Variants in SORCS1 observed in about 807,000 individuals in gnomAD.
SORCS1 encodes sortilin related VPS10 domain containing receptor 1.
In SORCS1, 60 loss-of-function variants were observed where a neutral mutation model predicts 146.1. The observed-to-expected ratio is 0.41, with a 90% confidence interval of 0.33 to 0.51. The LOEUF (loss-of-function observed/expected upper bound fraction) is 0.51. Among genes scored for constraint, SORCS1 ranks in the 20% least tolerant of loss-of-function variants. SORCS1 has a pLI of 0.21. For missense variants in SORCS1, 1,352 were observed against 1,487.6 expected, an observed-to-expected ratio of 0.91 and a Z score of 1.50; for synonymous variants, 637 against 584.0, an observed-to-expected ratio of 1.09 and a Z score of -1.31.
chr10:106,611,761 G>A (rs984563657), intron 22 of SORCS1, 150 bp downstream of exon 22: 1 of 638,910 alleles, frequency 1.6e-6, no homozygotes. Context: ...GCTCAGCTTT[G>A]CAGACATCAG....
chr10:106,744,785 A>G (rs995554423), intron 5 of SORCS1, among the ~76,000 whole-genome samples: 11 of 152,074 alleles, frequency 7.2e-5, no homozygotes, highest in African/African-American at 2.7e-4. Context: ...GGTAAAACAG[A>G]GTGTGAGTGT....
chr10:106,743,287 G>A (rs1857486632), intron 5 of SORCS1, among the ~76,000 whole-genome samples: 1 of 152,146 alleles, frequency 6.6e-6, no homozygotes, highest in Non-Finnish European at 1.5e-5. Context: ...AGAGAAGCCA[G>A]AGAGAGGAGA....
chr10:106,650,538 T>C (rs1589568175), intron 18 of SORCS1, among the ~76,000 whole-genome samples: 1 of 152,334 alleles, frequency 6.6e-6, no homozygotes, highest in East Asian at 1.9e-4. Flanking sequence ...CCTGTATGTG[T>C]GCTGCTTCCC....
At chr10:107,062,590 C>T (rs574776162) in intron 1 of SORCS1, among the ~76,000 whole-genome samples, 1 of 152,234 alleles carries the variant, frequency 6.6e-6, no homozygotes, top group Non-Finnish European at 1.5e-5. Context: ...CTAGCTGGGA[C>T]ATGAGGTCAG....
chr10:106,797,934 C>T (rs1315551190), intron 3 of SORCS1, among the ~76,000 whole-genome samples: 2 of 152,130 alleles, frequency 1.3e-5, no homozygotes, highest in East Asian at 1.9e-4. Flanking sequence ...CAATCTGACA[C>T]AGAAAGTTTA....
intron 1 of SORCS1, among the ~76,000 whole-genome samples, chr10:107,030,945 A>G (rs1339742463): frequency 2.0e-5 from 3 of 152,158 alleles, no homozygotes; most frequent in Non-Finnish European, 2.9e-5. Context: ...CTCTTCTGCA[A>G]TTCACCCAAG....
chr10:106,638,029 G>A (rs1374345747), intron 18 of SORCS1, among the ~76,000 whole-genome samples: 1 of 152,136 alleles, frequency 6.6e-6, no homozygotes, highest in East Asian at 1.9e-4. Flanking sequence ...TGGGGCCTCT[G>A]TACTCCCTCT....
At position 106,672,747 on chromosome 10, in the gene SORCS1, A is replaced by T; in HGVS notation, c.2058+121T>A. 3 of 744,146 alleles carry T rather than the reference A, an allele frequency of 4.0e-6. No individual in the cohort carries two copies. In the South Asian group the frequency reaches 5.1e-5, roughly 13 times the overall value. The allele number at this position is 744,146 out of a possible 1,614,324, so 46.1% of individuals were successfully genotyped here. On this transcript the variant is annotated intron_variant, in intron 15 of 25. Transcript: ENST00000263054. ...CTGCTGTGGAACACAAATGTGTAAG[A>T]AAACAGTAGATGGACATTTTGGCCT...
At chr10:106,611,874 A>G in intron 22 of SORCS1, 37 bp downstream of exon 22, 1 of 1,470,820 alleles carries the variant, frequency 6.8e-7, no homozygotes, top group Non-Finnish European at 9.5e-7. Context: ...CAGAGAGAAA[A>G]GGTACCCGGG....
chr10:107,121,430 G>A (rs1966405647), intron 1 of SORCS1, among the ~76,000 whole-genome samples: 1 of 152,136 alleles, frequency 6.6e-6, no homozygotes, highest in Non-Finnish European at 1.5e-5. Context: ...GGGTTCTCAA[G>A]GACAAAATTC....
At chr10:106,878,649 T>TATACATGTATATATATA (rs1491300730) in intron 2 of SORCS1, among the ~76,000 whole-genome samples, 2 of 137,872 alleles carry the variant, frequency 1.5e-5, no homozygotes, top group Admixed American at 7.2e-5. Context: ...TATATATATA[T>TATACATGTATATATATA]TTTATAGCAG....
intron 4 of SORCS1, among the ~76,000 whole-genome samples, chr10:106,775,940 G>A (rs1187011643): frequency 6.6e-6 from 1 of 152,118 alleles, no homozygotes; most frequent in Admixed American, 6.5e-5. Context: ...TGGGTCATAT[G>A]CACATATACA....
intron 1 of SORCS1, among the ~76,000 whole-genome samples, chr10:106,983,484 C>T (rs1047089729): frequency 3.9e-5 from 6 of 151,922 alleles, no homozygotes; most frequent in African/African-American, 1.5e-4. Flanking sequence ...CTTCTCTTTC[C>T]ACAGGACAAT....
intron 2 of SORCS1, among the ~76,000 whole-genome samples, chr10:106,835,374 C>CAAAA (rs1179582994): frequency 6.6e-6 from 1 of 152,216 alleles, no homozygotes; most frequent in African/African-American, 2.4e-5. Context: ...TTTTGTTACT[C>CAAAA]ATTTTCTAAC....
At chr10:107,067,152 T>C (rs1214260376) in intron 1 of SORCS1, among the ~76,000 whole-genome samples, 1 of 152,206 alleles carries the variant, frequency 6.6e-6, no homozygotes, top group Non-Finnish European at 1.5e-5. Flanking sequence ...TGATGTCATT[T>C]TTCCTGAGTT....
chr10:106,967,033 G>C (rs1004878994), intron 1 of SORCS1, among the ~76,000 whole-genome samples: 33 of 151,422 alleles, frequency 2.2e-4, no homozygotes, highest in African/African-American at 8.0e-4. Context: ...GTTGCTTTTT[G>C]ATGCAAATCT....
intron 1 of SORCS1, among the ~76,000 whole-genome samples, chr10:107,104,975 C>G (rs12776610): frequency 0.082 from 12,431 of 152,180 alleles, 571 homozygotes; most frequent in African/African-American, 0.13. Context: ...TCAGAAGAAT[C>G]AACAGGAGAA....
At chr10:106,831,787 G>T (rs937016625) in intron 2 of SORCS1, among the ~76,000 whole-genome samples, 4 of 152,150 alleles carry the variant, frequency 2.6e-5, no homozygotes, top group African/African-American at 9.7e-5. Context: ...GGATTTAGAT[G>T]CCATTCCTAA....
intron 2 of SORCS1, among the ~76,000 whole-genome samples, chr10:106,909,194 T>C (rs1022910858): frequency 3.3e-5 from 5 of 152,108 alleles, no homozygotes; most frequent in Admixed American, 2.0e-4. Context: ...GAACATATGG[T>C]CTTTGAGGAC....
Sources: gnomAD v4.1 joint callset for allele counts (sites outside exome capture counted in the v4.1 genomes callset) on GRCh38, gnomAD v4.1.1 for gene constraint, MANE v1.5 for transcripts, NCBI Gene and HGNC (gene_info 2026-07-23, HGNC 2026-07-21) for gene names.